DMXL2: variants seen among roughly 807,000 people sequenced by gnomAD.
The protein encoded by DMXL2 is Dmx like 2.
A neutral mutation model predicts 331.1 loss-of-function variants in DMXL2; 103 were observed. The ratio of observed to expected loss-of-function variants is 0.31; its 90% CI spans 0.27 to 0.37. DMXL2 has a LOEUF of 0.37. Among genes scored for constraint, DMXL2 ranks in the 10% least tolerant of loss-of-function variants. DMXL2 has a pLI of 1.00. For missense variants in DMXL2, 3,171 were observed against 3,642.9 expected, an observed-to-expected ratio of 0.87 and a Z score of 3.33; for synonymous variants, 1,281 against 1,252.1, an observed-to-expected ratio of 1.02 and a Z score of -0.49.
intron 13 of DMXL2, among the ~76,000 whole-genome samples, chr15:51,527,251 G>A (rs2140798236): frequency 6.6e-6 from 1 of 151,144 alleles, no homozygotes; most frequent in African/African-American, 2.4e-5. Flanking sequence ...TTGAAGTGCT[G>A]AAAAGAAAAA....
At chr15:51,571,991 T>C (rs2050699077) in intron 2 of DMXL2, among the ~76,000 whole-genome samples, 1 of 151,876 alleles carries the variant, frequency 6.6e-6, no homozygotes, top group Non-Finnish European at 1.5e-5. Context: ...AATCAATGAA[T>C]CCAGGAACTG....
intron 1 of DMXL2, among the ~76,000 whole-genome samples, chr15:51,607,622 T>C (rs559225946): frequency 1.3e-5 from 2 of 152,300 alleles, no homozygotes; most frequent in East Asian, 3.9e-4. Flanking sequence ...ATGAAAGATA[T>C]TAATTTACAG....
intron 6 of DMXL2, among the ~76,000 whole-genome samples, chr15:51,547,943 T>A (rs2048978682): frequency 6.6e-6 from 1 of 152,136 alleles, no homozygotes; most frequent in South Asian, 2.1e-4. Flanking sequence ...ATTCTTCTTT[T>A]TTTCTTACAT....
At chr15:51,593,742 G>A (rs1444374114) in intron 1 of DMXL2, among the ~76,000 whole-genome samples, 1 of 152,134 alleles carries the variant, frequency 6.6e-6, no homozygotes, top group Admixed American at 6.6e-5. Context: ...AATCAAACTA[G>A]AACTCAGGAT....
At chr15:51,457,716 TTTG>T (rs373326710) in intron 36 of DMXL2, 127 of 378,528 alleles carry the variant, frequency 3.4e-4, no homozygotes, top group Non-Finnish European at 5.1e-4. Context: ...GAAACAAAAG[TTTG>T]TTGTTATCTA....
At chr15:51,586,508 T>C (rs1395794300) in intron 1 of DMXL2, among the ~76,000 whole-genome samples, 1 of 151,996 alleles carries the variant, frequency 6.6e-6, no homozygotes, top group Non-Finnish European at 1.5e-5. Flanking sequence ...AAACAGCAAC[T>C]GGCCTGAAAG....
chr15:51,616,985 A>C (rs2054327658), intron 1 of DMXL2, among the ~76,000 whole-genome samples: 1 of 151,426 alleles, frequency 6.6e-6, no homozygotes, highest in Non-Finnish European at 1.5e-5. Context: ...AAGTCTGACT[A>C]AATCTGAATT....
intron 1 of DMXL2, among the ~76,000 whole-genome samples, chr15:51,607,463 G>C (rs1268203786): frequency 6.7e-6 from 1 of 148,724 alleles, no homozygotes; most frequent in East Asian, 2.0e-4. Context: ...CTCAAAAAAA[G>C]AAAAAAGAAA....
rs1341137607 is a variant in DMXL2, at chr15:51,605,804, A to G, written c.87+16655T>C. On this transcript the variant is annotated intron_variant, in intron 1 of 43. Coordinates refer to ENST00000560891, the MANE Select transcript of DMXL2 (RefSeq NM_001378457.1). ...ATGATCCACCCGCCTCGGCCTCCCA[A>G]AGTGCTGGGATTACAGGCGTGAGCC... Among the ~76,000 whole-genome samples, 7 of 42,922 alleles carry G rather than the reference A, an allele frequency of 1.6e-4. 2 individuals are homozygous for G. The highest frequency in any genetic ancestry group is 4.6e-4 in the African/African-American group (7 of 15,132). 28.2% of individuals were successfully genotyped at this position (42,922 alleles called of 152,430 possible).
intron 27 of DMXL2, among the ~76,000 whole-genome samples, chr15:51,476,272 T>C (rs1273243017): frequency 6.6e-6 from 1 of 152,164 alleles, no homozygotes; most frequent in African/African-American, 2.4e-5. Flanking sequence ...TGTGAAAATA[T>C]GTCTGTGATT....
chr15:51,590,928 A>T (rs1396647808), intron 1 of DMXL2, among the ~76,000 whole-genome samples: 1 of 152,014 alleles, frequency 6.6e-6, no homozygotes, highest in Non-Finnish European at 1.5e-5. Flanking sequence ...TGAGATTCTC[A>T]TTAAAAATAG....
intron 1 of DMXL2, among the ~76,000 whole-genome samples, chr15:51,604,476 C>T (rs2141343769): frequency 6.7e-6 from 1 of 149,934 alleles, no homozygotes; most frequent in African/African-American, 2.4e-5. Context: ...CCATGAACAA[C>T]TGGAAACAAT....
rs151193707 is a variant in DMXL2, at chr15:51,535,083, G to C, written c.2436+580C>G. Among the ~76,000 whole-genome samples the C allele has an allele frequency of 9.6e-3, 1,461 of 152,210 alleles. 20 individuals carry two copies. Among genetic ancestry groups the C allele is most frequent in the African/African-American group, 0.034 (1,405 of 41,518 alleles). On this transcript the variant is annotated intron_variant, in intron 13 of 43. Coordinates refer to ENST00000560891, the MANE Select transcript of DMXL2 (RefSeq NM_001378457.1). ...CTACATCTAGGAGAACATAGTAGATGCTCAAAAATAGTCATTGGTTTTCAA... is the reference window on the plus strand; with the variant it reads ...CTACATCTAGGAGAACATAGTAGATCCTCAAAAATAGTCATTGGTTTTCAA...
Position 51,474,561 on chromosome 15 carries a change from T to G in DMXL2, c.6996A>C (p.Ser2332=). The change falls in exon 28 of 44, where the codon TCA becomes TCC. Residue 2332 remains serine, a synonymous_variant. Coordinates refer to ENST00000560891, the MANE Select transcript of DMXL2 (RefSeq NM_001378457.1). The part of the protein sequence containing the change: ...GVSSLINLLS[S]AQDEDQPKLN... Reference sequence around the variant, plus strand: ...GTTTTGGCTGGTCTTCATCTTGGGCTGAACTCAAAAGATTAATAAGTGAGC... The same window carrying G: ...GTTTTGGCTGGTCTTCATCTTGGGCGGAACTCAAAAGATTAATAAGTGAGC... The G allele has an allele frequency of 6.2e-7, 1 of 1,614,026 alleles. No homozygotes were observed. Among genetic ancestry groups the G allele is most frequent in the Admixed American group, 1.7e-5 (1 of 60,004 alleles).
At chr15:51,604,997 A>G (rs1256708633) in intron 1 of DMXL2, among the ~76,000 whole-genome samples, 1 of 152,154 alleles carries the variant, frequency 6.6e-6, no homozygotes, top group Non-Finnish European at 1.5e-5. Flanking sequence ...GAGAAAGGGC[A>G]GCTTTTCAAC....
At chr15:51,610,814 A>G (rs1305744786) in intron 1 of DMXL2, among the ~76,000 whole-genome samples, 2 of 152,148 alleles carry the variant, frequency 1.3e-5, no homozygotes, top group African/African-American at 4.8e-5. Flanking sequence ...AAATTTCAAT[A>G]AACTTAAAAA....
In DMXL2 at chr15:51,499,320, T is replaced by C; in HGVS notation, c.3904A>G (p.Lys1302Glu). ...EAAMQDHSTF[K>E]SNMLARKSVV... ...CTTTTTCTTGCCAGCATATTAGATTTAAAGGTCGAATGATCTTGCATTGCT... is the reference window on the plus strand; with the variant it reads ...CTTTTTCTTGCCAGCATATTAGATTCAAAGGTCGAATGATCTTGCATTGCT... The change falls in exon 18 of 44, where the codon AAA becomes GAA. Residue 1302 changes from lysine to glutamate, a missense_variant. Physicochemically the swap from Lys to Glu is moderately conservative, Grantham distance 56 (BLOSUM62 1). Around this residue, in one of 7 missense-constraint regions of DMXL2, gnomAD observed 1,674 missense variants for 1,780.2 expected, o/e 0.94. Coordinates refer to ENST00000560891, the MANE Select transcript of DMXL2 (RefSeq NM_001378457.1). 6.2e-7 allele frequency: 1 copy of C among 1,613,994 alleles called. No individual in the cohort carries two copies. The highest frequency in any genetic ancestry group is 8.5e-7 in the Non-Finnish European group (1 of 1,180,022).
intron 1 of DMXL2, among the ~76,000 whole-genome samples, chr15:51,610,061 C>T (rs948245627): frequency 6.6e-6 from 1 of 151,918 alleles, no homozygotes; most frequent in South Asian, 2.1e-4. Context: ...TTTGGAAGAA[C>T]GATCTGAAAC....
chr15:51,510,726 C>T (rs933197568), intron 15 of DMXL2, among the ~76,000 whole-genome samples: 2 of 152,096 alleles, frequency 1.3e-5, no homozygotes, highest in Admixed American at 6.6e-5. Flanking sequence ...AAAGAGCCCT[C>T]GTAGCCAAGA....
Sources: allele counts gnomAD v4.1 joint callset (sites outside exome capture counted in the v4.1 genomes callset), GRCh38; gene constraint gnomAD v4.1.1; regional missense constraint gnomAD v4.1.1; transcripts MANE v1.5; gene names NCBI Gene and HGNC (gene_info 2026-07-23, HGNC 2026-07-21).